Variants in SP110 observed in about 807,000 individuals in gnomAD.
The protein encoded by SP110 is SP110 nuclear body protein.
A neutral mutation model predicts 92.7 loss-of-function variants in SP110; 62 were observed. The ratio of observed to expected loss-of-function variants is 0.67; its 90% CI spans 0.55 to 0.83. The LOEUF (loss-of-function observed/expected upper bound fraction) is 0.83, where lower values mean the gene tolerates loss of function less well. Ranked by LOEUF, SP110 falls within the 40% of genes least tolerant of loss-of-function variation. The pLI is 0.00. For synonymous variants in SP110, 273 were observed against 305.3 expected (o/e 0.89, Z 1.10); for missense variants, 793 against 863.9 (o/e 0.92, Z 1.03).
At chr2:230,225,476 C>T (rs1234036954) in intron 1 of SP110, 1 of 342,810 alleles carries the variant, frequency 2.9e-6, no homozygotes, top group Non-Finnish European at 5.6e-6. Flanking sequence ...TTCTCAGCCA[C>T]CTCAGCAAGG....
intron 12 of SP110, among the ~76,000 whole-genome samples, chr2:230,180,280 G>A (rs1005999316): frequency 2.6e-5 from 4 of 152,102 alleles, no homozygotes; most frequent in East Asian, 1.9e-4. Flanking sequence ...GGTAAAAAAC[G>A]AATTCATAAT....
chr2:230,216,994 C>T, intron 1 of SP110, 66 bp from the exon 2 acceptor site: 3 of 1,477,394 alleles, frequency 2.0e-6, no homozygotes, highest in Non-Finnish European at 2.8e-6. Flanking sequence ...GCCTGTAATC[C>T]CGGCACTTTG....
rs184548525 is a variant in SP110 at position 230,211,055 on chromosome 2, G to A, written c.751+415C>T. On this transcript the variant is annotated intron_variant, in intron 6 of 18. Coordinates refer to ENST00000258381, the MANE Select transcript of SP110 (RefSeq NM_080424.4). This position sits in a 1 kb window ranked among gnomAD's most constrained non-coding sequence, Gnocchi z 4.2. ...TTTTGAGCACTACTTTATTGAAGTG[G>A]CCTCAGAAGAGTGGCTCTGTCAAAC... Among the ~76,000 whole-genome samples, 2 of 152,292 alleles carry A rather than the reference G, an allele frequency of 1.3e-5. No homozygotes were observed. The highest frequency in any genetic ancestry group is 2.9e-5 in the Non-Finnish European group (2 of 68,028).
intron 10 of SP110, among the ~76,000 whole-genome samples, chr2:230,198,519 G>A (rs1161315261): frequency 9.2e-5 from 14 of 152,176 alleles, no homozygotes; most frequent in Admixed American, 9.2e-4. Context: ...TATTCTTATA[G>A]ATTAAAGATT....
At chr2:230,217,776 T>C (rs750110537) in intron 1 of SP110, among the ~76,000 whole-genome samples, 1 of 152,218 alleles carries the variant, frequency 6.6e-6, no homozygotes, top group Non-Finnish European at 1.5e-5. Flanking sequence ...TTAAACAAGA[T>C]GACCTGGGCT....
chr2:230,209,249 G>C (rs2044206302), intron 7 of SP110, among the ~76,000 whole-genome samples: 1 of 152,114 alleles, frequency 6.6e-6, no homozygotes, highest in Non-Finnish European at 1.5e-5. Flanking sequence ...GGGAGGCCAA[G>C]AATTGGTGGA....
At chr2:230,176,620 G>T in intron 14 of SP110, 1 of 1,613,818 alleles carries the variant, frequency 6.2e-7, no homozygotes. Context: ...TGAGCCTCCA[G>T]ACAGGGAAAG....
At chr2:230,207,809 C>T (rs60345907) in intron 8 of SP110, among the ~76,000 whole-genome samples, 182 bp downstream of exon 8, 3,006 of 152,250 alleles carry the variant, frequency 0.02, 102 homozygotes, top group African/African-American at 0.068. Flanking sequence ...CATTCTTTCC[C>T]AGCTCCAACT....
intron 10 of SP110, among the ~76,000 whole-genome samples, chr2:230,196,542 TTA>T (rs1559157349): frequency 3.3e-5 from 5 of 151,988 alleles, no homozygotes; most frequent in Non-Finnish European, 4.4e-5. Flanking sequence ...TTTCTTTTTT[TTA>T]AAATTTTATT....
At chr2:230,217,411 A>T (rs917069895) in intron 1 of SP110, among the ~76,000 whole-genome samples, 2 of 152,164 alleles carry the variant, frequency 1.3e-5, no homozygotes, top group Non-Finnish European at 2.9e-5. Flanking sequence ...GGAAACAAGG[A>T]CAATTCCCAG....
In SP110 at chr2:230,190,938, G is replaced by A. The variant is rs533593714; in HGVS notation, c.1130-4795C>T. 8.3e-4 allele frequency among the ~76,000 whole-genome samples: 127 copies of A among 152,234 alleles called. 1 individual carries two copies. Among genetic ancestry groups the A allele is most frequent in the Non-Finnish European group, 1.6e-3 (111 of 68,008 alleles). On this transcript the variant is annotated intron_variant, in intron 10 of 18. Coordinates refer to ENST00000258381, the MANE Select transcript of SP110 (RefSeq NM_080424.4). ...ATATGTCTGTTTTGGTACCAGTACC[G>A]TGCTGTTTTGGTTACTGTAGCCTTG...
intron 4 of SP110, 121 bp downstream of exon 4, chr2:230,212,640 G>T (rs1248640564): frequency 1.5e-6 from 2 of 1,347,388 alleles, no homozygotes; most frequent in Non-Finnish European, 1.1e-6. Context: ...GTTGTGTTTG[G>T]GTAGATGGGT....
At chr2:230,203,031 C>G (rs946938885) in intron 8 of SP110, 35 of 414,656 alleles carry the variant, frequency 8.4e-5, no homozygotes, top group African/African-American at 6.7e-4. Flanking sequence ...TCGGCCTGCA[C>G]CACGAGGTGG....
At position 230,212,837 on chromosome 2, in the gene SP110, G is replaced by T. The variant is rs1327353483; in HGVS notation, c.507C>A (p.Ile169=). Residue 169 remains isoleucine (I), a synonymous_variant, in exon 4 of 19, where the codon ATC becomes ATA. Coordinates refer to ENST00000258381, the MANE Select transcript of SP110 (RefSeq NM_080424.4). ...PGTSSQQSDE[I]LSESPSPSDP... is the part of the protein sequence containing the mutation. ...CAGATGGGCTGGGCGACTCACTCAG[G>T]ATCTCATCGCTTTGCTGGGAGGATG... 3.1e-6 allele frequency: 5 copies of T among 1,614,106 alleles called. No homozygotes were observed. The highest frequency in any genetic ancestry group is 3.4e-6 in the Non-Finnish European group (4 of 1,179,998).
intron 7 of SP110, 31 bp from the exon 8 acceptor site, chr2:230,208,090 C>G (rs774904358): frequency 3.3e-6 from 4 of 1,210,104 alleles, no homozygotes; most frequent in Non-Finnish European, 4.9e-6. Flanking sequence ...TTTATAGTTA[C>G]AAACATTGAT....
chr2:230,182,081 A>G (rs1453854049), intron 12 of SP110, among the ~76,000 whole-genome samples: 1 of 152,270 alleles, frequency 6.6e-6, no homozygotes, highest in African/African-American at 2.4e-5. Flanking sequence ...TATAGACTGG[A>G]TAAAGAATAT....
chr2:230,179,062 C>T (rs528316324), intron 12 of SP110, among the ~76,000 whole-genome samples: 90 of 152,294 alleles, frequency 5.9e-4, no homozygotes, highest in Non-Finnish European at 8.7e-4. Context: ...AGGAGAACAC[C>T]TGGTCCAACT....
intron 8 of SP110, among the ~76,000 whole-genome samples, chr2:230,206,617 A>ATATATATATATATATATG (rs2148888187): frequency 8.3e-6 from 1 of 121,054 alleles, no homozygotes; most frequent in South Asian, 2.8e-4. Context: ...ATATATATAT[A>ATATATATATATATATATG]TATATATATA....
In SP110 at chr2:230,198,476, C is replaced by A. The variant is rs1164569119; in HGVS notation, c.1129+2409G>T. ...TCCTCTTTCTCTGGTCTCCCTTTTTCTTTAGTAATAAAGCCCCTGATTCTG... is the reference window on the plus strand; with the variant it reads ...TCCTCTTTCTCTGGTCTCCCTTTTTATTTAGTAATAAAGCCCCTGATTCTG... On this transcript the variant is annotated intron_variant, in intron 10 of 18. Transcript: ENST00000258381. 5.9e-5 allele frequency among the ~76,000 whole-genome samples: 9 copies of A among 152,172 alleles called. 1 individual carries two copies.
Sources: gnomAD v4.1 joint callset for allele counts (sites outside exome capture counted in the v4.1 genomes callset) on GRCh38, gnomAD v4.1.1 for gene constraint, Gnocchi (gnomAD v3.1) non-coding constraint, MANE v1.5 for transcripts, NCBI Gene and HGNC (gene_info 2026-07-23, HGNC 2026-07-21) for gene names.